TTN: variants seen among roughly 807,000 people sequenced by gnomAD.
TTN encodes titin.
A neutral mutation model predicts 3,223.0 loss-of-function variants in TTN; 1,525 were observed. The observed-to-expected ratio is 0.47, with a 90% CI of 0.45 to 0.49. The LOEUF (loss-of-function observed/expected upper bound fraction) is 0.49, where lower values mean the gene tolerates loss of function less well. TTN is among the 20% of genes least tolerant of loss of function. The probability of loss-of-function intolerance (pLI) is 0.00; values close to 1 mark genes in which losing one functional copy is unlikely to be tolerated. For missense variants in TTN, 40,786 were observed against 43,424.0 expected, an observed-to-expected ratio of 0.94 and a Z score of 5.40; for synonymous variants, 14,094 against 15,161.0, an observed-to-expected ratio of 0.93 and a Z score of 5.17.
Position 178,714,414 on chromosome 2 carries a change from T to C in TTN, c.26360A>G (p.Tyr8787Cys), listed in dbSNP as rs1365431842. 1.9e-6 allele frequency: 3 copies of C among 1,613,796 alleles called. No homozygotes were observed. In the East Asian group the frequency reaches 6.7e-5, roughly 36 times the overall value. ...CTGTAAGGTTGCAATGTTTTCTGAA[T>C]AAGAAATCCATATGTTGTCACTTTC... ...VRESDNIWIS[Y>C]SENIATLQFS... The change falls in exon 91 of 363, where the codon TAT (tyrosine) becomes TGT (cysteine). Residue 8787 changes from tyrosine to cysteine, a missense_variant. Coordinates refer to ENST00000589042, the MANE Select transcript of TTN (RefSeq NM_001267550.2).
chr2:178,757,425 G>A (rs2087621321), intron 45 of TTN, 117 bp downstream of exon 45: 1 of 1,254,676 alleles, frequency 8.0e-7, no homozygotes, highest in African/African-American at 1.5e-5. Context: ...TATTTTATTA[G>A]TAAGTTATGG....
chr2:178,716,557 CAT>C (rs2077513885), intron 88 of TTN, among the ~76,000 whole-genome samples: 2 of 152,150 alleles, frequency 1.3e-5, no homozygotes, highest in Non-Finnish European at 2.9e-5. Flanking sequence ...GGCAGAAACA[CAT>C]GACTGCCTTC....
At chr2:178,706,122 C>G (rs2075823804) in intron 102 of TTN, among the ~76,000 whole-genome samples, 1 of 152,116 alleles carries the variant, frequency 6.6e-6, no homozygotes, top group South Asian at 2.1e-4. Flanking sequence ...TTGAGAGATT[C>G]TTTTTGTGAA....
Position 178,591,099 on chromosome 2 carries a change from A to G in TTN, c.60626T>C (p.Val20209Ala), listed in dbSNP as rs1163844137. The G allele has an allele frequency of 2.5e-6, 4 of 1,613,278 alleles. No individual in the cohort carries two copies. Among genetic ancestry groups the G allele is most frequent in the African/African-American group, 1.3e-5 (1 of 74,976 alleles). ...DGGSPVINYIVEKQDTRKDTW... is the reference protein window; with the variant it reads ...DGGSPVINYIAEKQDTRKDTW... The stretch of plus-strand genomic sequence containing the variant: ...GTCTTTCCTTGTATCTTGTTTCTCA[A>G]CAATATAATTTATCACAGGGCTTCC... The change falls in exon 304 of 363, where the codon GTT (valine) becomes GCT (alanine). Residue 20209 changes from valine to alanine, a missense_variant. By Grantham distance (64) the Val-to-Ala change is moderately conservative. Coordinates refer to ENST00000589042, the MANE Select transcript of TTN (RefSeq NM_001267550.2).
intron 109 of TTN, among the ~76,000 whole-genome samples, chr2:178,701,792 G>A (rs1409446188): frequency 1.3e-5 from 2 of 152,104 alleles, no homozygotes; most frequent in Non-Finnish European, 2.9e-5. Context: ...GTTTCATTCT[G>A]TGGCTATTCT....
chr2:178,709,520 G>T, intron 99 of TTN, 46 bp downstream of exon 99: 1 of 1,559,044 alleles, frequency 6.4e-7, no homozygotes, highest in Non-Finnish European at 8.7e-7. Context: ...TATATAACAG[G>T]CAGTGAAGAA....
At chr2:178,801,990 G>A in intron 3 of TTN, 148 bp downstream of exon 3, 1 of 953,076 alleles carries the variant, frequency 1.0e-6, no homozygotes, top group Non-Finnish European at 1.6e-6. Flanking sequence ...CAAACAACTT[G>A]GTTATAAATA....
At chr2:178,803,720 G>A (rs1000340625) in intron 2 of TTN, among the ~76,000 whole-genome samples, 13 of 151,278 alleles carry the variant, frequency 8.6e-5, no homozygotes, top group Non-Finnish European at 1.0e-4. Flanking sequence ...TTTTTAATCC[G>A]TATCCATCTT....
rs2067932408 is a variant in TTN at position 178,675,706 on chromosome 2, G to C, written c.34502C>G (p.Pro11501Arg). 1 of 1,428,486 alleles carries C rather than the reference G, an allele frequency of 7.0e-7. No homozygotes were observed. The highest frequency in any genetic ancestry group is 2.9e-5 in the Admixed American group (1 of 34,940). The allele number at this position is 1,428,486 out of a possible 1,614,324, so 88.5% of individuals were successfully genotyped here. The change falls in exon 149 of 363, where the codon CCT (proline) becomes CGT (arginine). Residue 11501 changes from proline to arginine, a missense_variant. Transcript: ENST00000589042. ...KPEPEKKVPP[P>R]GLKKAVAPPA... Reference sequence around the variant, plus strand: ...AGGGGCCACTGCTTTCTTAAGACCAGGAGGAGGGACCTTCTTTTCTGGCTC... The same window carrying C: ...AGGGGCCACTGCTTTCTTAAGACCACGAGGAGGGACCTTCTTTTCTGGCTC...
Position 178,807,273 on chromosome 2 carries a change from G to A in TTN, c.-75C>T, listed in dbSNP as rs116826752. 38 of 152,264 alleles carry A rather than the reference G, an allele frequency of 2.5e-4. No homozygotes were observed. The highest frequency in any genetic ancestry group is 7.5e-4 in the African/African-American group (31 of 41,546). 9.4% of individuals were successfully genotyped at this position (152,264 alleles called of 1,614,324 possible). A position where few individuals can be genotyped will look rare whatever the true frequency, so the allele number is the denominator to read the frequency against. On this transcript the variant is annotated 5_prime_UTR_variant, in exon 1 of 363. The change creates a new upstream start codon in the 5' untranslated region. Transcript: ENST00000589042. ...AGCCCAAGGTTGCTTCTGAAACGACGTCCTATGGAGAGTTGGTTTTTCTGA... is the reference window on the plus strand; with the variant it reads ...AGCCCAAGGTTGCTTCTGAAACGACATCCTATGGAGAGTTGGTTTTTCTGA...
In TTN at chr2:178,784,090, G is replaced by A; in HGVS notation, c.2755C>T (p.Leu919=). The change falls in exon 16 of 363, where the codon CTG becomes TTG. Residue 919 remains leucine (L), a synonymous_variant. Coordinates refer to ENST00000589042, the MANE Select transcript of TTN (RefSeq NM_001267550.2). ...CCAACCTTGGCTTCGCGTCCGTGCA[G>A]TACTTCAAAGCGCTCTTCACGGACG... is the stretch of plus-strand genomic sequence containing the variant. ...TTVREERFEV[L]HGREAKVTET... is the part of the protein sequence containing the mutation. 6.2e-7 allele frequency: 1 copy of A among 1,613,692 alleles called. No homozygotes were observed. Among genetic ancestry groups the A allele is most frequent in the Non-Finnish European group, 8.5e-7 (1 of 1,179,978 alleles).
intron 47 of TTN, chr2:178,744,348 T>G: frequency 1.0e-6 from 1 of 980,692 alleles, no homozygotes; most frequent in Non-Finnish European, 1.2e-6. Flanking sequence ...TAACACAGAA[T>G]TGTATTGTTG....
In TTN at chr2:178,615,690, A is replaced by G. The variant is rs1306044978; in HGVS notation, c.48411T>C (p.Pro16137=). The change falls in exon 258 of 363, where the codon CCT becomes CCC. Residue 16137 remains proline, a synonymous_variant. Coordinates refer to ENST00000589042, the MANE Select transcript of TTN (RefSeq NM_001267550.2). ...FKVCARNKCG[P]GEPAYVDEPV... ...GTTCATCAACATATGCAGGTTCTCC[A>G]GGGCCACATTTGTTACGAGCACAAA... The G allele has an allele frequency of 1.2e-6, 2 of 1,612,604 alleles. No homozygotes were observed. The highest frequency in any genetic ancestry group is 2.2e-5 in the South Asian group (2 of 91,028).
rs771768640 is a variant in TTN, at chr2:178,577,042, C to T, written c.69293G>A (p.Arg23098Lys). Residue 23098 changes from arginine to lysine, a missense_variant, in exon 324 of 363, where the codon AGG becomes AAG. Transcript: ENST00000589042. ...TTGGATAAGTTTGGTTGCCACATGC[C>T]TGCAAGACTGAATATCTTCAGAAAC... is the stretch of plus-strand genomic sequence containing the variant. ...TVVSEDIQSC[R>K]HVATKLIQGN... is the part of the protein sequence containing the mutation. 6 of 1,613,304 alleles carry T rather than the reference C, an allele frequency of 3.7e-6. No individual in the cohort carries two copies. In the African/African-American group the frequency reaches 6.7e-5, roughly 18 times the overall value.
Position 178,542,826 on chromosome 2 carries a change from G to C in TTN, c.97028C>G (p.Ala32343Gly). 1 of 1,613,782 alleles carries C rather than the reference G, an allele frequency of 6.2e-7. No individual in the cohort carries two copies. Among genetic ancestry groups the C allele is most frequent in the Non-Finnish European group, 8.5e-7 (1 of 1,179,768 alleles). Residue 32343 changes from alanine (A) to glycine (G), a missense_variant, in exon 348 of 363, where the codon GCT becomes GGT. By Grantham distance (60) the Ala-to-Gly change is moderately conservative. Transcript: ENST00000589042. Reference protein sequence around the residue: ...RPPPAASWFFAGSKLRESERV... With the variant: ...RPPPAASWFFGGSKLRESERV... ...CTCTGATTCTCTCAGTTTAGAACCAGCAAAGAACCAGGAAGCAGCAGGAGG... is the reference window on the plus strand; with the variant it reads ...CTCTGATTCTCTCAGTTTAGAACCACCAAAGAACCAGGAAGCAGCAGGAGG...
Position 178,722,000 on chromosome 2 carries a change from T to G in TTN, c.22663A>C (p.Ile7555Leu). ...ATTGTATAGTTTCCTCCAGGACGGA[T>G]CTCCTTGTTATCTTTTGACCAAGTG... is the stretch of plus-strand genomic sequence containing the variant. ...RITWSKDNKE[I>L]RPGGNYTITC... Residue 7555 changes from isoleucine (I) to leucine (L), a missense_variant, in exon 78 of 363, where the codon ATC becomes CTC. Ile to Leu is a conservative substitution (Grantham distance 5). Transcript: ENST00000589042. 1 of 1,613,574 alleles carries G rather than the reference T, an allele frequency of 6.2e-7. No homozygotes were observed. Among genetic ancestry groups the G allele is most frequent in the South Asian group, 1.1e-5 (1 of 91,042 alleles).
chr2:178,802,557 C>T (rs952968835), intron 2 of TTN, among the ~76,000 whole-genome samples: 1 of 152,150 alleles, frequency 6.6e-6, no homozygotes, highest in African/African-American at 2.4e-5. Context: ...CCAAAAGAGG[C>T]CTAATGATTT....
chr2:178,756,194 A>G (rs1218960812), intron 46 of TTN, 28 bp downstream of exon 46: 14 of 1,520,422 alleles, frequency 9.2e-6, no homozygotes, highest in Non-Finnish European at 1.3e-5. Context: ...GATGAAATGA[A>G]GCAAGTCATA....
Position 178,649,838 on chromosome 2 carries a change from G to A in TTN, c.39874C>T (p.Pro13292Ser). 1 of 1,612,514 alleles carries A rather than the reference G, an allele frequency of 6.2e-7. No homozygotes were observed. Among genetic ancestry groups the A allele is most frequent in the Non-Finnish European group, 8.5e-7 (1 of 1,179,402 alleles). Residue 13292 changes from proline (P) to serine (S), a missense_variant, in exon 211 of 363, where the codon CCA (proline) becomes TCA (serine). By Grantham distance (74) the Pro-to-Ser change is moderately conservative. Transcript: ENST00000589042. ...GTACCTTTAGGAGGCGGTGCTTCTG[G>A]TTTTTTGATGACAGGAACTTTCTTC... ...PEKKVPVIKK[P>S]EAPPPKEPEM... is the part of the protein sequence containing the mutation.
Sources: allele counts gnomAD v4.1 joint callset (sites outside exome capture counted in the v4.1 genomes callset), GRCh38; gene constraint gnomAD v4.1.1; transcripts MANE v1.5; gene names NCBI Gene and HGNC (gene_info 2026-07-23, HGNC 2026-07-21).